The following RBFOX3 variants were observed in gnomAD, a reference collection of about 807,000 sequenced individuals.
RBFOX3 encodes the protein RNA binding protein fox-1 homolog 3.
RBFOX3 carries 17 observed loss-of-function variants against 48.7 expected under a neutral mutation model. That is an observed-to-expected ratio of 0.35 (90% CI 0.24 to 0.52). The LOEUF (loss-of-function observed/expected upper bound fraction) is 0.52, where lower values mean the gene tolerates loss of function less well. RBFOX3 is among the 20% of genes least tolerant of loss of function. RBFOX3 has a pLI of 0.94. For synonymous variants in RBFOX3, 212 were observed against 209.5 expected, an observed-to-expected ratio of 1.01 and a Z score of -0.10; for missense variants, 382 against 497.5, an observed-to-expected ratio of 0.77 and a Z score of 2.21.
intron 2 of RBFOX3, among the ~76,000 whole-genome samples, chr17:79,366,480 G>A (rs1375669747): frequency 2.6e-5 from 4 of 152,288 alleles, no homozygotes; most frequent in Non-Finnish European, 1.5e-5. Context: ...TTATGCCGGC[G>A]CCACGTCTCA....
chr17:79,191,464 C>T (rs191616113), intron 4 of RBFOX3, among the ~76,000 whole-genome samples: 1 of 152,348 alleles, frequency 6.6e-6, no homozygotes, highest in African/African-American at 2.4e-5. Flanking sequence ...CCTGCATGCC[C>T]CCTAAAGCCA....
intron 1 of RBFOX3, among the ~76,000 whole-genome samples, chr17:79,550,002 C>T (rs924411545): frequency 2.0e-5 from 3 of 152,214 alleles, no homozygotes; most frequent in African/African-American, 4.8e-5. Context: ...CCAGCCGTGC[C>T]GGGCACCATC....
chr17:79,175,016 C>G (rs1406129955), intron 4 of RBFOX3, among the ~76,000 whole-genome samples: 1 of 152,250 alleles, frequency 6.6e-6, no homozygotes, highest in Non-Finnish European at 1.5e-5. Flanking sequence ...GTGCCAACCC[C>G]CAGGCATGCC....
At chr17:79,388,419 G>C (rs1317166750) in intron 2 of RBFOX3, among the ~76,000 whole-genome samples, 1 of 152,160 alleles carries the variant, frequency 6.6e-6, no homozygotes, top group Non-Finnish European at 1.5e-5. Context: ...CCCACGCATG[G>C]AGCCTGTTCC....
At chr17:79,558,851 G>A (rs2091972649) in intron 1 of RBFOX3, among the ~76,000 whole-genome samples, 1 of 152,148 alleles carries the variant, frequency 6.6e-6, no homozygotes, top group African/African-American at 2.4e-5. Flanking sequence ...GGGGATGCAG[G>A]GCCAGCATGG....
At chr17:79,326,305 A>T (rs1490732888) in intron 2 of RBFOX3, among the ~76,000 whole-genome samples, 1 of 152,064 alleles carries the variant, frequency 6.6e-6, no homozygotes, top group Non-Finnish European at 1.5e-5. Context: ...AGGCGCCAGG[A>T]TGTCCCTCCC....
chr17:79,390,678 T>C lies in RBFOX3; in HGVS notation c.-174-82854A>G, dbSNP rs1208958854. 6.6e-6 allele frequency among the ~76,000 whole-genome samples: 1 copy of C among 152,184 alleles called. No individual in the cohort carries two copies. Among genetic ancestry groups the C allele is most frequent in the Non-Finnish European group, 1.5e-5 (1 of 68,026 alleles). On this transcript the variant is annotated intron_variant, in intron 2 of 14. Coordinates refer to ENST00000693108, the MANE Select transcript of RBFOX3 (RefSeq NM_001350451.2). This position sits in a 1 kb window ranked among gnomAD's most constrained non-coding sequence, Gnocchi z 4.2. ...TTTTAGTAGAGACAGGGTTTCGCCA[T>C]GTTGGCCAGGCTGGTCTCGAACTCC...
chr17:79,271,882 C>T (rs999101435), intron 3 of RBFOX3, among the ~76,000 whole-genome samples: 22 of 152,222 alleles, frequency 1.4e-4, no homozygotes, highest in African/African-American at 5.1e-4. Context: ...CCCATGGCTC[C>T]AAAGGGTCTA....
chr17:79,300,550 A>C (rs4789999), intron 3 of RBFOX3, among the ~76,000 whole-genome samples: 73,959 of 152,094 alleles, frequency 0.49, 18,607 homozygotes, highest in East Asian at 0.89. Flanking sequence ...AAATAAGCTT[A>C]AACGTGAACA....
chr17:79,558,591 C>G (rs1267635771), intron 1 of RBFOX3, among the ~76,000 whole-genome samples: 1 of 152,122 alleles, frequency 6.6e-6, no homozygotes, highest in Non-Finnish European at 1.5e-5. Flanking sequence ...TGAACACTTC[C>G]CTCCCGGCCG....
intron 2 of RBFOX3, among the ~76,000 whole-genome samples, chr17:79,343,229 TA>T (rs1259663955): frequency 2.0e-5 from 3 of 152,138 alleles, no homozygotes; most frequent in African/African-American, 7.2e-5. Flanking sequence ...GTGGCTTTTT[TA>T]AAACTGGAGG....
intron 1 of RBFOX3, among the ~76,000 whole-genome samples, chr17:79,497,924 G>C (rs1202372411): frequency 6.6e-6 from 1 of 152,324 alleles, no homozygotes. Flanking sequence ...CAGCAACAAG[G>C]CCCTGGCCTT....
intron 4 of RBFOX3, among the ~76,000 whole-genome samples, chr17:79,178,287 C>T (rs972017389): frequency 3.3e-5 from 5 of 152,232 alleles, no homozygotes; most frequent in Non-Finnish European, 7.3e-5. Flanking sequence ...CTAAACTTCG[C>T]TGGGTGTCAG....
At chr17:79,143,596 A>G (rs1445082686) in intron 4 of RBFOX3, among the ~76,000 whole-genome samples, 3 of 152,168 alleles carry the variant, frequency 2.0e-5, no homozygotes, top group Non-Finnish European at 2.9e-5. Context: ...TCTCCCCACC[A>G]GGGACACCTC....
chr17:79,595,605 T>C (rs1057228523), intron 1 of RBFOX3, among the ~76,000 whole-genome samples: 20 of 151,872 alleles, frequency 1.3e-4, no homozygotes, highest in Non-Finnish European at 2.9e-4. Context: ...CTGCAGGGAG[T>C]GTGTTAGCAG....
At position 79,220,094 on chromosome 17, in the gene RBFOX3, G is replaced by T. The variant is rs1442153063; in HGVS notation, c.-34+15672C>A. Among the ~76,000 whole-genome samples, 3 of 150,154 alleles carry T rather than the reference G, an allele frequency of 2.0e-5. No individual in the cohort carries two copies. The highest frequency in any genetic ancestry group is 4.1e-4 in the East Asian group (2 of 4,920). ...CTGGGAAGGCACGGGGTGGGGGGGT[G>T]GGGGGAGCACGCTGAGCTTCCCAAC... On this transcript the variant is annotated intron_variant, in intron 4 of 14. Transcript: ENST00000693108. The surrounding 1 kb of genome is among the most constrained non-coding windows in gnomAD (Gnocchi z 5.9).
At chr17:79,164,781 C>T (rs1292866228) in intron 4 of RBFOX3, among the ~76,000 whole-genome samples, 1 of 152,184 alleles carries the variant, frequency 6.6e-6, no homozygotes, top group African/African-American at 2.4e-5. Flanking sequence ...AGCTGGTCTT[C>T]CCATGTGCCT....
chr17:79,513,842 G>A (rs1046083834), intron 1 of RBFOX3, among the ~76,000 whole-genome samples: 234 of 152,296 alleles, frequency 1.5e-3, no homozygotes, highest in African/African-American at 5.1e-3. Flanking sequence ...GGGGGCCCGC[G>A]TGCCCTAGTG....
upstream of RBFOX3, among the ~76,000 whole-genome samples, chr17:79,612,882 T>C (rs386829739): frequency 0.97 from 148,192 of 152,280 alleles, 72,163 homozygotes; most frequent in Non-Finnish European, 1. Flanking sequence ...GTGCCGGCAG[T>C]GCCCCCTGTC....
Sources: gnomAD v4.1 joint callset for allele counts (sites outside exome capture counted in the v4.1 genomes callset) on GRCh38, gnomAD v4.1.1 for gene constraint, Gnocchi (gnomAD v3.1) non-coding constraint, MANE v1.5 for transcripts, NCBI Gene and HGNC (gene_info 2026-07-23, HGNC 2026-07-21) for gene names.